Variants in FAT4 observed in about 807,000 individuals in gnomAD.
FAT4 encodes protocadherin Fat 4.
A neutral mutation model predicts 303.9 loss-of-function variants in FAT4; 84 were observed. The observed-to-expected ratio is 0.28, with a 90% CI of 0.23 to 0.33. FAT4 has a LOEUF of 0.33. Ranked by LOEUF, FAT4 falls within the 10% of genes least tolerant of loss-of-function variation. The pLI is 1.00. For synonymous variants in FAT4, 2,307 were observed against 2,298.8 expected (o/e 1.00, Z -0.10); for missense variants, 6,005 against 6,146.8 (o/e 0.98, Z 0.77).
intron 14 of FAT4, among the ~76,000 whole-genome samples, chr4:125,477,658 CAG>C (rs1276838174): frequency 6.6e-6 from 1 of 151,552 alleles, no homozygotes; most frequent in African/African-American, 2.4e-5. Context: ...GGTTCCAGCA[CAG>C]AGAGATATGT....
rs1730692527 is a variant in FAT4, at chr4:125,317,758, C to G, written c.1347C>G (p.Gly449=). Residue 449 remains glycine, a synonymous_variant, in exon 2 of 18, where the codon GGC becomes GGG. Transcript: ENST00000394329. This position sits in a 1 kb window ranked among gnomAD's most constrained non-coding sequence, Gnocchi z 7.0. Reference sequence around the variant, plus strand: ...CTGATAACTACGGGGCGCCCCCTGGCGCAGCAGTCCAGGCGCGCTCTTCTG... The same window carrying G: ...CTGATAACTACGGGGCGCCCCCTGGGGCAGCAGTCCAGGCGCGCTCTTCTG... The part of the protein sequence containing the change: ...SVSDNYGAPP[G]AAVQARSSVA... The G allele has an allele frequency of 1.2e-6, 2 of 1,614,026 alleles. No homozygotes were observed. Among genetic ancestry groups the G allele is most frequent in the South Asian group, 1.1e-5 (1 of 91,086 alleles).
chr4:125,460,409 A>G (rs1032233251), intron 10 of FAT4, among the ~76,000 whole-genome samples: 1 of 151,948 alleles, frequency 6.6e-6, no homozygotes, highest in Non-Finnish European at 1.5e-5. Flanking sequence ...CCAAATAGTG[A>G]TCTTTCCTGC....
At chr4:125,349,449 C>T (rs758152402) in intron 2 of FAT4, among the ~76,000 whole-genome samples, 3 of 151,568 alleles carry the variant, frequency 2.0e-5, no homozygotes, top group Non-Finnish European at 3.0e-5. Context: ...ACTATTAAAT[C>T]AGAGTTGGTA....
At position 125,444,758 on chromosome 4, in the gene FAT4, A is replaced by G. The variant is rs1373997015; in HGVS notation, c.7200-1535A>G. On this transcript the variant is annotated intron_variant, in intron 8 of 17. Transcript: ENST00000394329. Reference sequence around the variant, plus strand: ...CCTTGATCCTTGCCATTATAAAACTAAAAAAGTTTATGGCAGCATGGCTTA... The same window carrying G: ...CCTTGATCCTTGCCATTATAAAACTGAAAAAGTTTATGGCAGCATGGCTTA... Among the ~76,000 whole-genome samples, 8 of 152,236 alleles carry G rather than the reference A, an allele frequency of 5.3e-5. No individual in the cohort carries two copies. The South Asian group carries it at 1.7e-3, about 32-fold the overall frequency.
In FAT4 at chr4:125,468,725, C is replaced by T. The variant is rs1726758831; in HGVS notation, c.12119C>T (p.Ser4040Phe). ...ATTGCCGAAGAAAGACTAAGATTCTCTTATAATTTAGGCAGTGGTACATAT... is the reference window on the plus strand; with the variant it reads ...ATTGCCGAAGAAAGACTAAGATTCTTTTATAATTTAGGCAGTGGTACATAT... ...LEIAEERLRF[S>F]YNLGSGTYKL... The change falls in exon 12 of 18, where the codon TCT becomes TTT. Residue 4040 changes from serine to phenylalanine, a missense_variant. Transcript: ENST00000394329. 1.2e-6 allele frequency: 2 copies of T among 1,614,106 alleles called. No homozygotes were observed. Among genetic ancestry groups the T allele is most frequent in the Non-Finnish European group, 1.7e-6 (2 of 1,180,010 alleles).
At chr4:125,469,553 G>A (rs1254382471) in intron 12 of FAT4, among the ~76,000 whole-genome samples, 2 of 152,146 alleles carry the variant, frequency 1.3e-5, no homozygotes, top group African/African-American at 4.8e-5. Flanking sequence ...ATCCTCTGTT[G>A]TCATTTCAAC....
chr4:125,490,814 C>G lies in FAT4; in HGVS notation c.13998C>G (p.Pro4666=). ...HSPLGFARQS[P]MPLGASSLTY... ...CCCTAGGCTTTGCAAGGCAATCCCCCATGCCCTTAGGAGCAAGCAGTTTGA... is the reference window on the plus strand; with the variant it reads ...CCCTAGGCTTTGCAAGGCAATCCCCGATGCCCTTAGGAGCAAGCAGTTTGA... The change falls in exon 18 of 18, where the codon CCC becomes CCG. Residue 4666 remains proline, a synonymous_variant. Transcript: ENST00000394329. 2 of 1,614,152 alleles carry G rather than the reference C, an allele frequency of 1.2e-6. No homozygotes were observed. Among genetic ancestry groups the G allele is most frequent in the Non-Finnish European group, 1.7e-6 (2 of 1,180,042 alleles).
intron 2 of FAT4, among the ~76,000 whole-genome samples, chr4:125,325,014 G>A (rs1731098171): frequency 1.3e-5 from 2 of 151,440 alleles, no homozygotes; most frequent in African/African-American, 4.9e-5. Flanking sequence ...AATCTTCTTG[G>A]GCAATATATT....
intron 4 of FAT4, among the ~76,000 whole-genome samples, chr4:125,407,360 T>G (rs1734659136): frequency 6.6e-6 from 1 of 152,112 alleles, no homozygotes; most frequent in South Asian, 2.1e-4. Context: ...GTTAGCCATT[T>G]ATGTGTCTGA....
intron 10 of FAT4, among the ~76,000 whole-genome samples, chr4:125,454,954 T>A (rs2126064420): frequency 6.6e-6 from 1 of 152,276 alleles, no homozygotes; most frequent in South Asian, 2.1e-4. Context: ...CACAGAATTT[T>A]TAAAAAGACA....
At chr4:125,397,366 C>T (rs959645188) in intron 2 of FAT4, among the ~76,000 whole-genome samples, 1 of 152,082 alleles carries the variant, frequency 6.6e-6, no homozygotes, top group Non-Finnish European at 1.5e-5. Context: ...CTCTCTAATT[C>T]TAAAACCCAT....
At chr4:125,371,997 A>G (rs973461698) in intron 2 of FAT4, among the ~76,000 whole-genome samples, 1 of 152,058 alleles carries the variant, frequency 6.6e-6, no homozygotes, top group Non-Finnish European at 1.5e-5. Context: ...CATTTACTGA[A>G]TATTTTTTGA....
chr4:125,319,648 C>A lies in FAT4; in HGVS notation c.3237C>A (p.Pro1079=). 5.0e-6 allele frequency: 8 copies of A among 1,613,902 alleles called. No individual in the cohort carries two copies. The highest frequency in any genetic ancestry group is 6.8e-6 in the Non-Finnish European group (8 of 1,179,864). The change falls in exon 2 of 18, where the codon CCC becomes CCA. Residue 1079 remains proline (P), a synonymous_variant. Transcript: ENST00000394329. The part of the protein sequence containing the change: ...MVVASDRAVE[P]LSATVNVTVI... Reference sequence around the variant, plus strand: ...TTGCTTCTGACAGAGCAGTGGAACCCCTTAGTGCTACTGTGAATGTTACTG... The same window carrying A: ...TTGCTTCTGACAGAGCAGTGGAACCACTTAGTGCTACTGTGAATGTTACTG...
At chr4:125,409,676 G>T (rs1310688260) in intron 5 of FAT4, among the ~76,000 whole-genome samples, 2 of 152,144 alleles carry the variant, frequency 1.3e-5, no homozygotes, top group East Asian at 3.8e-4. Context: ...TGTTTGATTT[G>T]TATTTATTGC....
At position 125,456,346 on chromosome 4, in the gene FAT4, G is replaced by A. The variant is rs142001689; in HGVS notation, c.11800+3536G>A. On this transcript the variant is annotated intron_variant, in intron 10 of 17. Transcript: ENST00000394329. ...AGGTTGTTTGAAGTTATACATTAAC[G>A]TTACATACTTCTCCTCAGAGTTCAC... is the stretch of plus-strand genomic sequence containing the variant. 2.5e-3 allele frequency among the ~76,000 whole-genome samples: 387 copies of A among 152,142 alleles called. 3 individuals are homozygous for A. The highest frequency in any genetic ancestry group is 4.3e-4 in the Non-Finnish European group (29 of 68,002).
chr4:125,349,528 A>G (rs1213115188), intron 2 of FAT4, among the ~76,000 whole-genome samples: 2 of 151,722 alleles, frequency 1.3e-5, no homozygotes, highest in Non-Finnish European at 3.0e-5. Context: ...GCTTTGGAAA[A>G]GCACCATGCA....
chr4:125,428,737 C>T (rs1725184143), intron 7 of FAT4, among the ~76,000 whole-genome samples: 1 of 152,112 alleles, frequency 6.6e-6, no homozygotes. Flanking sequence ...GAAATTTTTT[C>T]ATCTGACTAC....
chr4:125,482,885 C>G (rs1189748463), intron 16 of FAT4, among the ~76,000 whole-genome samples: 1 of 152,180 alleles, frequency 6.6e-6, no homozygotes, highest in African/African-American at 2.4e-5. Context: ...TTCTTACCTT[C>G]TCAAATGATA....
At chr4:125,358,720 A>C (rs950210646) in intron 2 of FAT4, among the ~76,000 whole-genome samples, 1 of 152,110 alleles carries the variant, frequency 6.6e-6, no homozygotes, top group Non-Finnish European at 1.5e-5. Context: ...GGCCCAGTTC[A>C]TATCAGGCCG....
Sources: gnomAD v4.1 joint callset for allele counts (sites outside exome capture counted in the v4.1 genomes callset) on GRCh38, gnomAD v4.1.1 for gene constraint, Gnocchi (gnomAD v3.1) non-coding constraint, MANE v1.5 for transcripts, NCBI Gene and HGNC (gene_info 2026-07-23, HGNC 2026-07-21) for gene names.